The following ART3 variants were observed in gnomAD, a reference collection of about 807,000 sequenced individuals.
The protein encoded by ART3 is ecto-ADP-ribosyltransferase 3.
In ART3, 49 loss-of-function variants were observed where a neutral mutation model predicts 48.5. The ratio of observed to expected loss-of-function variants is 1.01; its 90% confidence interval spans 0.80 to 1.28. ART3 has a LOEUF of 1.28. Among genes scored for constraint, ART3 ranks in the 50% most tolerant of loss-of-function variants. The pLI, the probability that ART3 is intolerant of heterozygous loss-of-function variation, is 0.00. For synonymous variants in ART3, 145 were observed against 157.2 expected (o/e 0.92, Z 0.58); for missense variants, 438 against 454.3 (o/e 0.96, Z 0.33).
Position 76,106,990 on chromosome 4 carries a change from T to A in ART3, c.1004-771T>A, listed in dbSNP as rs952487396. ...AACCATACTTCAAGTACCCATACCG[T>A]TCTCTTTTTCACTTTCTGTACAATA... On this transcript the variant is annotated intron_variant, in intron 10 of 11. Coordinates refer to ENST00000355810, the MANE Select transcript of ART3 (RefSeq NM_001130016.3). Among the ~76,000 whole-genome samples, 6 of 152,308 alleles carry A rather than the reference T, an allele frequency of 3.9e-5. No homozygotes were observed. In the East Asian group the frequency reaches 1.2e-3, roughly 29 times the overall value.
intron 1 of ART3, chr4:76,023,267 G>A: frequency 1.2e-6 from 1 of 836,608 alleles, no homozygotes; most frequent in Non-Finnish European, 2.0e-6. Flanking sequence ...TTATTTATAA[G>A]CATGCAGTGA....
At position 76,075,812 on chromosome 4, in the gene ART3, C is replaced by T. The variant is rs1720911913; in HGVS notation, c.-9-69C>T. The T allele has an allele frequency of 2.8e-5, 33 of 1,176,780 alleles. 1 individual carries two copies. In the South Asian group the frequency reaches 4.2e-4, roughly 15 times the overall value. 72.9% of individuals were successfully genotyped at this position (1,176,780 alleles called of 1,614,324 possible). A position where few individuals can be genotyped will look rare whatever the true frequency, so the allele number is the denominator to read the frequency against. ...TTCTAAATGAAAAAATACGCAGTGT[C>T]ATCCTATTCTACTTCCCTACACCTC... On this transcript the variant is annotated intron_variant, in intron 1 of 11. Transcript: ENST00000355810.
chr4:76,066,429 A>G (rs1719745138), intron 1 of ART3, among the ~76,000 whole-genome samples: 1 of 152,090 alleles, frequency 6.6e-6, no homozygotes, highest in African/African-American at 2.4e-5. Context: ...CTCAACAGAG[A>G]GGAGGCCCTG....
chr4:76,112,500 A>T lies in ART3; in HGVS notation c.1151A>T (p.Asn384Ile). Residue 384 changes from asparagine (N) to isoleucine (I), a missense_variant, in exon 12 of 12, where the codon AAT becomes ATT. By Grantham distance (149) the Asn-to-Ile change is moderately radical. Around this residue, in one of 3 missense-constraint regions of ART3, gnomAD observed 227 missense variants for 229.6 expected, o/e 0.99. Coordinates refer to ENST00000355810, the MANE Select transcript of ART3 (RefSeq NM_001130016.3). ...ATTTTAATCAGTGTTTCTGCTATAA[A>T]TCTCTTTGTTGCTCTGTAGTTTGAT... ...VIILISVSAI[N>I]LFVAL 6.2e-7 allele frequency: 1 copy of T among 1,613,624 alleles called. No homozygotes were observed.
intron 2 of ART3, among the ~76,000 whole-genome samples, chr4:76,078,090 C>T (rs898747628): frequency 2.0e-5 from 3 of 151,502 alleles, no homozygotes; most frequent in African/African-American, 4.9e-5. Context: ...CTTTTTTTCT[C>T]GGTGGTTATA....
intron 1 of ART3, chr4:76,035,041 A>G (rs1440268024): frequency 1.4e-5 from 23 of 1,608,632 alleles, no homozygotes; most frequent in Non-Finnish European, 1.9e-5. Flanking sequence ...TAATTTGGTA[A>G]CTTACTTTGA....
chr4:76,083,613 T>A (rs1255738657), intron 3 of ART3, among the ~76,000 whole-genome samples: 7 of 152,230 alleles, frequency 4.6e-5, no homozygotes, highest in African/African-American at 1.7e-4. Context: ...ATGTTTGCAC[T>A]TGTGACTGTT....
intron 3 of ART3, among the ~76,000 whole-genome samples, chr4:76,092,129 C>T (rs1725041074): frequency 6.6e-6 from 1 of 152,050 alleles, no homozygotes; most frequent in Non-Finnish European, 1.5e-5. Flanking sequence ...TTAGAATCAC[C>T]TTGTCAATTT....
In ART3 at chr4:76,101,125, G is replaced by A. The variant is rs968100872; in HGVS notation, c.937+106G>A. The A allele has an allele frequency of 6.6e-6, 9 of 1,368,310 alleles. No homozygotes were observed. The African/African-American group carries it at 8.7e-5, about 13-fold the overall frequency. The allele number at this position is 1,368,310 out of a possible 1,614,324, so 84.8% of individuals were successfully genotyped here. A position where few individuals can be genotyped will look rare whatever the true frequency, so the allele number is the denominator to read the frequency against. Reference sequence around the variant, plus strand: ...TGGTAAGAAAAGTGGGAGGAAGGCAGAGCTCACCTTAGCTTACTGGTTTGG... The same window carrying A: ...TGGTAAGAAAAGTGGGAGGAAGGCAAAGCTCACCTTAGCTTACTGGTTTGG... On this transcript the variant is annotated intron_variant, in intron 8 of 11. Transcript: ENST00000355810.
intron 1 of ART3, among the ~76,000 whole-genome samples, chr4:76,019,934 G>A (rs968836985): frequency 2.3e-4 from 35 of 152,096 alleles, no homozygotes; most frequent in African/African-American, 5.3e-4. Flanking sequence ...TCATTGCCTT[G>A]CATCCTTGGC....
intron 1 of ART3, chr4:76,012,292 A>G (rs10518143): frequency 0.21 from 32,699 of 152,174 alleles, 3,960 homozygotes; most frequent in East Asian, 0.38. Flanking sequence ...TCTCTCATAA[A>G]GAAACCTCCA....
chr4:76,104,054 C>CTG, intron 9 of ART3, 85 bp downstream of exon 9: 2 of 1,370,248 alleles, frequency 1.5e-6, no homozygotes, highest in Non-Finnish European at 2.1e-6. Flanking sequence ...TGTCATGAGA[C>CTG]TATTATTCAT....
chr4:76,103,994 C>T (rs748707288), intron 9 of ART3, 25 bp downstream of exon 9: 2 of 1,610,142 alleles, frequency 1.2e-6, no homozygotes, highest in Admixed American at 3.3e-5. Flanking sequence ...TATTTACTCC[C>T]TGAGCCCAAG....
At chr4:76,073,730 A>G (rs1293473471), upstream of ART3, among the ~76,000 whole-genome samples, 2 of 152,150 alleles carry the variant, frequency 1.3e-5, no homozygotes, top group East Asian at 3.8e-4. Context: ...CAGGGTGACC[A>G]CTATTCTGAC....
At chr4:76,042,707 T>TG (rs1735086125) in intron 1 of ART3, among the ~76,000 whole-genome samples, 1 of 151,872 alleles carries the variant, frequency 6.6e-6, no homozygotes, top group Non-Finnish European at 1.5e-5. Context: ...GGCTCAGGAG[T>TG]GAAGCTGCAG....
At chr4:76,094,446 T>C (rs1725579252) in intron 3 of ART3, among the ~76,000 whole-genome samples, 1 of 152,244 alleles carries the variant, frequency 6.6e-6, no homozygotes, top group Non-Finnish European at 1.5e-5. Flanking sequence ...GAATTTTACC[T>C]TGTTGTGTGC....
At chr4:76,023,513 A>G (rs1342532773) in intron 1 of ART3, 2 of 1,256,684 alleles carry the variant, frequency 1.6e-6, no homozygotes, top group Non-Finnish European at 1.2e-6. Context: ...ACGTGGGGCT[A>G]GTGTGCCATA....
Position 76,109,320 on chromosome 4 carries a change from T to TCAGG in ART3, c.1036+1528_1036+1531dup, listed in dbSNP as rs1234408163. On this transcript the variant is annotated intron_variant, in intron 11 of 11. Transcript: ENST00000355810. ...TACATTAGCCTAGGCCTATACAGGG[T>TCAGG]CAGGATCATCAATATCACTGTCTTG... Among the ~76,000 whole-genome samples the TCAGG allele has an allele frequency of 3.6e-4, 55 of 152,082 alleles. 1 individual carries two copies. The highest frequency in any genetic ancestry group is 1.2e-3 in the African/African-American group (49 of 41,462).
intron 10 of ART3, chr4:76,105,653 C>G (rs1728309508): frequency 8.8e-7 from 1 of 1,131,320 alleles, no homozygotes; most frequent in Admixed American, 3.8e-5. Context: ...GGGAAGACAT[C>G]TGGGCTGTAC....
Sources: allele counts gnomAD v4.1 joint callset (sites outside exome capture counted in the v4.1 genomes callset), GRCh38; gene constraint gnomAD v4.1.1; regional missense constraint gnomAD v4.1.1; transcripts MANE v1.5; gene names NCBI Gene and HGNC (gene_info 2026-07-23, HGNC 2026-07-21).